The following KCNMB2 variants were observed in gnomAD, a reference collection of about 807,000 sequenced individuals.
The protein encoded by KCNMB2 is calcium-activated potassium channel subunit beta-2.
In KCNMB2, 9 loss-of-function variants were observed where a neutral mutation model predicts 24.5. That is an observed-to-expected ratio of 0.37 (90% CI 0.22 to 0.64). The LOEUF is 0.64. Ranked by LOEUF, KCNMB2 falls within the 30% of genes least tolerant of loss-of-function variation. The pLI is 0.63. For missense variants in KCNMB2, 226 were observed against 284.3 expected (o/e 0.79, Z 1.47); for synonymous variants, 109 against 104.4 (o/e 1.04, Z -0.27).
At chr3:178,760,649 T>C (rs1015340382) in intron 1 of KCNMB2, among the ~76,000 whole-genome samples, 1 of 150,908 alleles carries the variant, frequency 6.6e-6, no homozygotes, top group African/African-American at 2.4e-5. Flanking sequence ...AAGAAGGAAA[T>C]AAATTAAAGG....
At chr3:178,735,925 A>G (rs80060759) in intron 1 of KCNMB2, among the ~76,000 whole-genome samples, 2,376 of 152,354 alleles carry the variant, frequency 0.016, 47 homozygotes, top group South Asian at 0.075. Context: ...TGTGTCTACC[A>G]TCAGGGATAA....
intron 1 of KCNMB2, among the ~76,000 whole-genome samples, chr3:178,735,300 A>G (rs1459931682): frequency 6.6e-6 from 1 of 151,972 alleles, no homozygotes; most frequent in Non-Finnish European, 1.5e-5. Flanking sequence ...CCTGGATCAC[A>G]GTTCTCAAAA....
intron 1 of KCNMB2, among the ~76,000 whole-genome samples, chr3:178,545,846 A>G (rs1425636277): frequency 6.6e-6 from 1 of 152,192 alleles, no homozygotes; most frequent in African/African-American, 2.4e-5. Context: ...AGAAAATAAT[A>G]CCTAATTTTA....
intron 1 of KCNMB2, among the ~76,000 whole-genome samples, chr3:178,766,299 T>A (rs1358965732): frequency 6.6e-6 from 1 of 152,182 alleles, no homozygotes; most frequent in Non-Finnish European, 1.5e-5. Context: ...GCTCAAGCGA[T>A]CCTCCTGCCT....
intron 1 of KCNMB2, among the ~76,000 whole-genome samples, chr3:178,568,813 AGATAATAGATAGATAGATGATAGATAG>A (rs200973239): frequency 3.9e-5 from 2 of 51,662 alleles, no homozygotes; most frequent in Non-Finnish European, 8.1e-5. Flanking sequence ...ATAGATAGAT[AGATAATAGATAGATAGATGATAGATAG>A]ATAGATAGAT....
chr3:178,830,692 T>C (rs1490865115), intron 4 of KCNMB2, among the ~76,000 whole-genome samples: 1 of 152,176 alleles, frequency 6.6e-6, no homozygotes, highest in Admixed American at 6.6e-5. Context: ...ACTAATGTTA[T>C]CAAGTGCCTT....
intron 1 of KCNMB2, among the ~76,000 whole-genome samples, chr3:178,576,147 G>A (rs906119948): frequency 2.0e-5 from 3 of 151,802 alleles, no homozygotes; most frequent in Admixed American, 1.3e-4. Context: ...TGAGGTACCC[G>A]GCTCATCTCA....
chr3:178,558,298 A>G (rs1716194233), intron 1 of KCNMB2, among the ~76,000 whole-genome samples: 1 of 152,248 alleles, frequency 6.6e-6, no homozygotes, highest in Non-Finnish European at 1.5e-5. Context: ...GCAATCCTAC[A>G]GAATCAGCAG....
chr3:178,786,933 G>A (rs1198082695), intron 1 of KCNMB2, among the ~76,000 whole-genome samples: 5 of 151,838 alleles, frequency 3.3e-5, no homozygotes, highest in East Asian at 1.9e-4. Flanking sequence ...AACAGACCTC[G>A]ATTTCAACTT....
intron 1 of KCNMB2, among the ~76,000 whole-genome samples, chr3:178,566,967 G>A (rs1183827228): frequency 3.3e-5 from 5 of 152,186 alleles, no homozygotes; most frequent in African/African-American, 1.2e-4. Flanking sequence ...TGTAGCTGTA[G>A]GTACTGAGGA....
At chr3:178,620,466 C>T (rs1159210704) in intron 1 of KCNMB2, among the ~76,000 whole-genome samples, 1 of 152,176 alleles carries the variant, frequency 6.6e-6, no homozygotes, top group African/African-American at 2.4e-5. Flanking sequence ...ATTCTTGAGG[C>T]TGAGAAGTCC....
chr3:178,611,663 C>T (rs1423445316), intron 1 of KCNMB2, among the ~76,000 whole-genome samples: 12 of 152,154 alleles, frequency 7.9e-5, no homozygotes, highest in Non-Finnish European at 1.8e-4. Context: ...TCAGATCGCA[C>T]CACTGCACTC....
At chr3:178,720,275 C>T (rs1249103756) in intron 1 of KCNMB2, among the ~76,000 whole-genome samples, 2 of 150,468 alleles carry the variant, frequency 1.3e-5, no homozygotes, top group Admixed American at 1.3e-4. Context: ...ATGATGATTT[C>T]CAATTTCATC....
At chr3:178,682,267 G>T (rs1721296495) in intron 1 of KCNMB2, among the ~76,000 whole-genome samples, 1 of 152,210 alleles carries the variant, frequency 6.6e-6, no homozygotes, top group East Asian at 1.9e-4. Context: ...CAAGGTTGTT[G>T]TGGAGATAAA....
At chr3:178,731,329 G>A (rs562255181) in intron 1 of KCNMB2, among the ~76,000 whole-genome samples, 1 of 152,174 alleles carries the variant, frequency 6.6e-6, no homozygotes, top group Non-Finnish European at 1.5e-5. Context: ...AGAAATGATA[G>A]AGTGTCACCA....
Position 178,559,937 on chromosome 3 carries a change from A to C in KCNMB2, c.-68+23226A>C, listed in dbSNP as rs939043146. 4.7e-5 allele frequency among the ~76,000 whole-genome samples: 7 copies of C among 147,668 alleles called. No homozygotes were observed. In the East Asian group the frequency reaches 1.4e-3, roughly 29 times the overall value. On this transcript the variant is annotated intron_variant, in intron 1 of 4. Transcript: ENST00000452583. ...GTTTAATAAAAATTATATATATATA[A>C]AATATATAATACAAATATGTATAAA... is the stretch of plus-strand genomic sequence containing the variant.
At chr3:178,566,399 G>A (rs909192957) in intron 1 of KCNMB2, among the ~76,000 whole-genome samples, 2 of 151,960 alleles carry the variant, frequency 1.3e-5, no homozygotes, top group East Asian at 1.9e-4. Flanking sequence ...GTATCTGGCC[G>A]TGTCACTCAA....
chr3:178,609,964 G>A (rs1035164580), intron 1 of KCNMB2, among the ~76,000 whole-genome samples: 20 of 152,216 alleles, frequency 1.3e-4, no homozygotes, highest in Middle Eastern at 3.4e-3. Flanking sequence ...TATGGTAAGA[G>A]ACAAAGTTCT....
At chr3:178,712,596 C>T (rs940194580) in intron 1 of KCNMB2, among the ~76,000 whole-genome samples, 2 of 152,112 alleles carry the variant, frequency 1.3e-5, no homozygotes, top group African/African-American at 4.8e-5. Context: ...TAGGTGTTGT[C>T]GGTGTGTGTT....
Sources: allele counts gnomAD v4.1 joint callset (sites outside exome capture counted in the v4.1 genomes callset), GRCh38; gene constraint gnomAD v4.1.1; transcripts MANE v1.5; gene names NCBI Gene and HGNC (gene_info 2026-07-23, HGNC 2026-07-21).